The following CACNB4 variants were observed in gnomAD, a reference collection of about 807,000 sequenced individuals.
CACNB4 encodes the protein voltage-dependent L-type calcium channel subunit beta-4.
In CACNB4, 32 loss-of-function variants were observed where a neutral mutation model predicts 71.2. That is an observed-to-expected ratio of 0.45 (90% CI 0.34 to 0.60). The LOEUF is 0.60. Ranked by LOEUF, CACNB4 falls within the 20% of genes least tolerant of loss-of-function variation. The probability of loss-of-function intolerance (pLI) is 0.01; values close to 1 mark genes in which losing one functional copy is unlikely to be tolerated. For missense variants in CACNB4, 464 were observed against 647.9 expected (o/e 0.72, Z 3.08); for synonymous variants, 231 against 236.9 (o/e 0.97, Z 0.23).
Position 151,835,753 on chromosome 2 carries a change from A to G in CACNB4, c.*3366T>C, listed in dbSNP as rs2151306895. On this transcript the variant is annotated 3_prime_UTR_variant, in exon 14 of 14. Coordinates refer to ENST00000539935, the MANE Select transcript of CACNB4 (RefSeq NM_000726.5). Reference sequence around the variant, plus strand: ...TTATGAATTTTAAGGCCCCCACACAAAAGACAAGTTCAAGTATGCAGGTAT... The same window carrying G: ...TTATGAATTTTAAGGCCCCCACACAGAAGACAAGTTCAAGTATGCAGGTAT... 6.6e-6 allele frequency: 1 copy of G among 151,946 alleles called. No homozygotes were observed. Among genetic ancestry groups the G allele is most frequent in the South Asian group, 2.1e-4 (1 of 4,826 alleles). The allele number at this position is 151,946 out of a possible 1,614,324, so 9.4% of individuals were successfully genotyped here.
chr2:152,068,434 C>A (rs1579236839), intron 2 of CACNB4, among the ~76,000 whole-genome samples: 1 of 152,212 alleles, frequency 6.6e-6, no homozygotes, highest in Non-Finnish European at 1.5e-5. Context: ...ATAGTTCCTG[C>A]TGCAGAAGTA....
chr2:151,835,842 A>G lies in CACNB4; in HGVS notation c.*3277T>C, dbSNP rs1305526483. 1.3e-5 allele frequency: 2 copies of G among 151,852 alleles called. No homozygotes were observed. Among genetic ancestry groups the G allele is most frequent in the Non-Finnish European group, 3.0e-5 (2 of 67,732 alleles). The allele number at this position is 151,852 out of a possible 1,614,324, so 9.4% of individuals were successfully genotyped here. On this transcript the variant is annotated 3_prime_UTR_variant, in exon 14 of 14. Coordinates refer to ENST00000539935, the MANE Select transcript of CACNB4 (RefSeq NM_000726.5). ...AACGACAATAATAATTAAATAGCAG[A>G]TTATTTAAAGGAAACAAATAATTGT...
chr2:151,860,679 G>A (rs1245239919), intron 10 of CACNB4, 32 bp downstream of exon 10: 4 of 1,420,464 alleles, frequency 2.8e-6, no homozygotes, highest in Non-Finnish European at 4.0e-6. Context: ...TGTAAGCACA[G>A]CTTGAAGAAG....
intron 2 of CACNB4, among the ~76,000 whole-genome samples, chr2:151,901,339 G>A (rs1318306253): frequency 6.6e-6 from 1 of 152,048 alleles, no homozygotes; most frequent in African/African-American, 2.4e-5. Flanking sequence ...TCAGCAGTTT[G>A]TCTATCTTCT....
At chr2:151,854,930 G>C (rs572724343) in intron 11 of CACNB4, 2 of 235,492 alleles carry the variant, frequency 8.5e-6, no homozygotes, top group African/African-American at 4.5e-5. Flanking sequence ...AGAATTCATA[G>C]TCTATGATAA....
At chr2:152,046,928 C>A (rs1341558080) in intron 2 of CACNB4, among the ~76,000 whole-genome samples, 1 of 152,150 alleles carries the variant, frequency 6.6e-6, no homozygotes, top group Admixed American at 6.5e-5. Context: ...AAAAAAGATT[C>A]AGGCAAAGTG....
At chr2:151,994,151 AAG>A (rs1681898389) in intron 2 of CACNB4, among the ~76,000 whole-genome samples, 1 of 152,044 alleles carries the variant, frequency 6.6e-6, no homozygotes, top group East Asian at 2.0e-4. Flanking sequence ...CAGCCTAAGT[AAG>A]AGAGAAAGAC....
intron 2 of CACNB4, among the ~76,000 whole-genome samples, chr2:151,916,792 G>C (rs1017979602): frequency 6.6e-6 from 1 of 152,208 alleles, no homozygotes; most frequent in African/African-American, 2.4e-5. Context: ...ATTCCCCCAA[G>C]GGACATTTCA....
intron 2 of CACNB4, among the ~76,000 whole-genome samples, chr2:151,959,853 G>T (rs1412690499): frequency 6.6e-6 from 1 of 152,024 alleles, no homozygotes; most frequent in Non-Finnish European, 1.5e-5. Context: ...TGCATAATTT[G>T]CATAGTTCTT....
At chr2:151,971,417 C>G in intron 2 of CACNB4, 1 of 682,796 alleles carries the variant, frequency 1.5e-6, no homozygotes, top group East Asian at 2.7e-5. Context: ...ACCGAAGTGC[C>G]GTACTCAGCT....
intron 12 of CACNB4, chr2:151,852,250 T>C (rs1276202950): frequency 1.3e-5 from 2 of 152,212 alleles, no homozygotes; most frequent in African/African-American, 4.8e-5. Flanking sequence ...TTAGAGATAA[T>C]CTATGTAAAG....
chr2:151,895,093 G>GACCCCC (rs1553765384), intron 2 of CACNB4, among the ~76,000 whole-genome samples: 1 of 25,648 alleles, frequency 3.9e-5, no homozygotes, highest in Non-Finnish European at 9.5e-5. Flanking sequence ...AACTCAAATA[G>GACCCCC]CCCCACACAC....
chr2:151,992,341 C>G (rs929898942), intron 2 of CACNB4, among the ~76,000 whole-genome samples: 1 of 152,222 alleles, frequency 6.6e-6, no homozygotes, highest in Non-Finnish European at 1.5e-5. Flanking sequence ...TCAAAAAGCA[C>G]GATTTCCTTC....
At chr2:151,849,258 T>C (rs1360335593) in intron 12 of CACNB4, among the ~76,000 whole-genome samples, 1 of 152,120 alleles carries the variant, frequency 6.6e-6, no homozygotes, top group East Asian at 1.9e-4. Flanking sequence ...TTAGGCAGCC[T>C]CTGTGATTTT....
chr2:151,895,094 CCCCACACACACACACACACACA>C (rs1364848629), intron 2 of CACNB4, among the ~76,000 whole-genome samples: 14 of 132,830 alleles, frequency 1.1e-4, no homozygotes, highest in South Asian at 4.7e-4. Context: ...ACTCAAATAG[CCCCACACACACACACACACACA>C]CACACACACA....
chr2:152,048,166 A>G (rs1421311944), intron 2 of CACNB4, among the ~76,000 whole-genome samples: 4 of 152,134 alleles, frequency 2.6e-5, no homozygotes, highest in Non-Finnish European at 5.9e-5. Flanking sequence ...GTCTGACAGC[A>G]TCCCTGGTCT....
At chr2:151,919,264 C>G (rs2099858320) in intron 2 of CACNB4, among the ~76,000 whole-genome samples, 1 of 152,174 alleles carries the variant, frequency 6.6e-6, no homozygotes, top group Admixed American at 6.5e-5. Flanking sequence ...CAAGGTCTCA[C>G]TCATTCATCC....
intron 2 of CACNB4, among the ~76,000 whole-genome samples, chr2:151,974,620 A>G (rs991078844): frequency 6.6e-6 from 1 of 152,164 alleles, no homozygotes; most frequent in Non-Finnish European, 1.5e-5. Flanking sequence ...CTTCACGTAA[A>G]TTCTTCATCC....
In CACNB4 at chr2:152,096,310, T is replaced by C. The variant is rs1270915326; in HGVS notation, c.147+2020A>G. Among the ~76,000 whole-genome samples, 5 of 149,098 alleles carry C rather than the reference T, an allele frequency of 3.4e-5. No individual in the cohort carries two copies. In the East Asian group the frequency reaches 1.2e-3, roughly 34 times the overall value. ...CATCCTGGCTAACACGGTGAAACCC[T>C]GTCTCCACTAAAAATACAAAAAAGT... On this transcript the variant is annotated intron_variant, in intron 2 of 13. Coordinates refer to ENST00000539935, the MANE Select transcript of CACNB4 (RefSeq NM_000726.5).
Sources: gnomAD v4.1 joint callset for allele counts (sites outside exome capture counted in the v4.1 genomes callset) on GRCh38, gnomAD v4.1.1 for gene constraint, MANE v1.5 for transcripts, NCBI Gene and HGNC (gene_info 2026-07-23, HGNC 2026-07-21) for gene names.